The following POU2F3 variants were observed in gnomAD, a reference collection of about 807,000 sequenced individuals.
POU2F3 encodes POU class 2 homeobox 3.
Under a neutral mutation model 59.2 loss-of-function variants are expected in POU2F3, and 23 were observed. The ratio of observed to expected loss-of-function variants is 0.39; its 90% CI spans 0.28 to 0.55. The LOEUF (loss-of-function observed/expected upper bound fraction) is 0.55. Ranked by LOEUF, POU2F3 falls within the 20% of genes least tolerant of loss-of-function variation. The pLI is 0.66. For missense variants in POU2F3, 473 were observed against 544.5 expected, an observed-to-expected ratio of 0.87 and a Z score of 1.31; for synonymous variants, 190 against 214.6, an observed-to-expected ratio of 0.89 and a Z score of 1.00.
intron 4 of POU2F3, 72 bp downstream of exon 4, chr11:120,298,462 CT>C (rs1941253473): frequency 1.3e-6 from 2 of 1,588,764 alleles, no homozygotes; most frequent in Non-Finnish European, 1.7e-6. Context: ...GACTTCCATG[CT>C]TGGTACTCGT....
In POU2F3 at chr11:120,285,290, C is replaced by T. The variant is rs1393226581; in HGVS notation, c.133-12975C>T. Among the ~76,000 whole-genome samples, 1 of 152,228 alleles carries T rather than the reference C, an allele frequency of 6.6e-6. No individual in the cohort carries two copies. Among genetic ancestry groups the T allele is most frequent in the Non-Finnish European group, 1.5e-5 (1 of 68,042 alleles). ...CTGTGGTCCCAAGTCTCTGCCAAAA[C>T]TCATCCTGGGTTTTCAGACTTGCTA... is the stretch of plus-strand genomic sequence containing the variant. On this transcript the variant is annotated intron_variant, in intron 3 of 12. Coordinates refer to ENST00000543440, the MANE Select transcript of POU2F3 (RefSeq NM_014352.4). The surrounding 1 kb of genome is among the most constrained non-coding windows in gnomAD (Gnocchi z 4.3).
At position 120,307,591 on chromosome 11, in the gene POU2F3, G is replaced by C. The variant is rs780637786; in HGVS notation, c.882G>C (p.Leu294=). 9.3e-6 allele frequency: 15 copies of C among 1,614,174 alleles called. No individual in the cohort carries two copies. The African/African-American group carries it at 1.6e-4, about 17-fold the overall frequency. The change falls in exon 9 of 13, where the codon CTG becomes CTC. Residue 294 remains leucine (L), a synonymous_variant. Coordinates refer to ENST00000543440, the MANE Select transcript of POU2F3 (RefSeq NM_014352.4). ...KRTSIETNIR[L]TLEKRFQDNP... The stretch of plus-strand genomic sequence containing the variant: ...CCAGCATCGAGACCAACATCCGCCT[G>C]ACTCTGGAGAAGAGGTTTCAAGATG...
chr11:120,257,233 G>A (rs1939379242), intron 2 of POU2F3, among the ~76,000 whole-genome samples: 1 of 152,160 alleles, frequency 6.6e-6, no homozygotes, highest in African/African-American at 2.4e-5. Context: ...AGAGAAGGGG[G>A]ATGATTTTCC....
At chr11:120,264,335 G>A (rs1442392240) in intron 2 of POU2F3, among the ~76,000 whole-genome samples, 1 of 152,202 alleles carries the variant, frequency 6.6e-6, no homozygotes, top group Non-Finnish European at 1.5e-5. Flanking sequence ...AGTAAGCTGA[G>A]ATCGCACCAC....
intron 3 of POU2F3, among the ~76,000 whole-genome samples, chr11:120,278,615 A>G (rs1940431825): frequency 6.6e-6 from 1 of 152,156 alleles, no homozygotes; most frequent in Non-Finnish European, 1.5e-5. Flanking sequence ...ATTCCTAAAA[A>G]TGTCAGAGCA....
intron 6 of POU2F3, 88 bp from the exon 7 acceptor site, chr11:120,304,942 T>TAAAAAAAAAAAA (rs11443197): frequency 5.9e-6 from 2 of 336,656 alleles, no homozygotes; most frequent in Non-Finnish European, 1.0e-5. Flanking sequence ...GGCCTATTAG[T>TAAAAAAAAAAAA]AAAAAAAAAA....
chr11:120,285,107 GTTACT>G lies in POU2F3; in HGVS notation c.133-13152_133-13148del, dbSNP rs1940734041. ...ACGAAGGTCAGAGTCGGTGATGTTA[GTTACT>G]TTACTATTCTTATTTGGCAAAATAA... On this transcript the variant is annotated intron_variant, in intron 3 of 12. Coordinates refer to ENST00000543440, the MANE Select transcript of POU2F3 (RefSeq NM_014352.4). This position sits in a 1 kb window ranked among gnomAD's most constrained non-coding sequence, Gnocchi z 4.3. Among the ~76,000 whole-genome samples the G allele has an allele frequency of 6.6e-6, 1 of 152,082 alleles. No homozygotes were observed. The highest frequency in any genetic ancestry group is 2.1e-4 in the South Asian group (1 of 4,820).
intron 8 of POU2F3, 138 bp downstream of exon 8, chr11:120,305,923 CAA>C: frequency 9.1e-7 from 1 of 1,097,322 alleles, no homozygotes; most frequent in Non-Finnish European, 1.3e-6. Context: ...GATGGAGAAA[CAA>C]GACACAGGAC....
intron 1 of POU2F3, among the ~76,000 whole-genome samples, chr11:120,244,910 G>A (rs1938808669): frequency 1.3e-5 from 2 of 148,796 alleles, no homozygotes; most frequent in African/African-American, 4.9e-5. Context: ...ACGGATTGAG[G>A]TTAGGCTCAA....
At chr11:120,308,976 A>AAAAAAAAG (rs1941578361) in intron 9 of POU2F3, among the ~76,000 whole-genome samples, 1 of 142,676 alleles carries the variant, frequency 7.0e-6, no homozygotes, top group Non-Finnish European at 1.5e-5. Context: ...AAAAAAAAAA[A>AAAAAAAAG]GAAATGACAA....
At chr11:120,274,032 A>AAG (rs1299107966) in intron 3 of POU2F3, among the ~76,000 whole-genome samples, 2 of 151,470 alleles carry the variant, frequency 1.3e-5, no homozygotes, top group African/African-American at 2.4e-5. Context: ...AAAGAAAAAA[A>AAG]AGAGAGAGAG....
At position 120,309,544 on chromosome 11, in the gene POU2F3, T is replaced by C; in HGVS notation, c.1026T>C (p.Pro342=). 1 of 1,614,086 alleles carries C rather than the reference T, an allele frequency of 6.2e-7. No homozygotes were observed. The highest frequency in any genetic ancestry group is 8.5e-7 in the Non-Finnish European group (1 of 1,179,990). ...AAAAGGAGAAGCGAATCAACTGCCC[T>C]GTGGCCACACCCATCAAACCACCTG... The part of the protein sequence containing the change: ...RRQKEKRINC[P]VATPIKPPVY... The change falls in exon 10 of 13, where the codon CCT becomes CCC. Residue 342 remains proline (P), a synonymous_variant. Transcript: ENST00000543440.
intron 2 of POU2F3, among the ~76,000 whole-genome samples, chr11:120,263,498 G>A (rs35066111): frequency 8.7e-4 from 133 of 152,106 alleles, no homozygotes; most frequent in Non-Finnish European, 1.6e-3. Flanking sequence ...TCTCTGCTTC[G>A]AATCACTTCC....
At chr11:120,279,939 C>T (rs982454095) in intron 3 of POU2F3, among the ~76,000 whole-genome samples, 7 of 152,146 alleles carry the variant, frequency 4.6e-5, no homozygotes, top group East Asian at 3.8e-4. Context: ...GGATGGGTAG[C>T]GGAGACCGAA....
At position 120,318,526 on chromosome 11, in the gene POU2F3, T is replaced by C. The variant is rs1435354384; in HGVS notation, c.*134T>C. 3.3e-6 allele frequency: 3 copies of C among 917,614 alleles called. No homozygotes were observed. Among genetic ancestry groups the C allele is most frequent in the Admixed American group, 2.2e-5 (1 of 45,252 alleles). The allele number at this position is 917,614 out of a possible 1,614,324, so 56.8% of individuals were successfully genotyped here. On this transcript the variant is annotated 3_prime_UTR_variant, in exon 13 of 13. Coordinates refer to ENST00000543440, the MANE Select transcript of POU2F3 (RefSeq NM_014352.4). ...TCCACTATCAATGAACCCAGACTCT[T>C]GTCTTCTTCAAGAGCAAGGGCCTCC...
At chr11:120,302,499 C>A in intron 6 of POU2F3, 131 bp downstream of exon 6, 1 of 794,712 alleles carries the variant, frequency 1.3e-6, no homozygotes, top group Non-Finnish European at 2.0e-6. Flanking sequence ...AGGGAACTAT[C>A]CATTGGCACA....
upstream of POU2F3, among the ~76,000 whole-genome samples, chr11:120,239,495 C>T (rs150546031): frequency 1.3e-5 from 2 of 152,258 alleles, no homozygotes; most frequent in East Asian, 3.9e-4. Flanking sequence ...CTCACAGCAA[C>T]CTGGGACCTG....
At position 120,318,423 on chromosome 11, in the gene POU2F3, C is replaced by T. The variant is rs1037279572; in HGVS notation, c.*31C>T. On this transcript the variant is annotated 3_prime_UTR_variant, in exon 13 of 13. Coordinates refer to ENST00000543440, the MANE Select transcript of POU2F3 (RefSeq NM_014352.4). ...AAAAGTTTCTCCTACTCCAGCTGGC[C>T]CTGTATTCCCCCTGGAAGGAAGGGA... The T allele has an allele frequency of 2.6e-6, 4 of 1,549,182 alleles. No homozygotes were observed. The highest frequency in any genetic ancestry group is 3.6e-6 in the Non-Finnish European group (4 of 1,121,020).
At chr11:120,277,944 A>T (rs1429181696) in intron 3 of POU2F3, among the ~76,000 whole-genome samples, 7 of 152,226 alleles carry the variant, frequency 4.6e-5, no homozygotes, top group Admixed American at 4.6e-4. Context: ...TCATGCCTCT[A>T]TGAGTGTGAC....
Sources: allele counts gnomAD v4.1 joint callset (sites outside exome capture counted in the v4.1 genomes callset), GRCh38; gene constraint gnomAD v4.1.1; non-coding constraint Gnocchi (gnomAD v3.1); transcripts MANE v1.5; gene names NCBI Gene and HGNC (gene_info 2026-07-23, HGNC 2026-07-21).